The following KCNIP1 variants were observed in gnomAD, a reference collection of about 807,000 sequenced individuals.
KCNIP1 encodes the protein potassium voltage-gated channel interacting protein 1, also known as A-type potassium channel modulatory protein KCNIP1.
KCNIP1 carries 18 observed loss-of-function variants against 33.0 expected under a neutral mutation model. The observed-to-expected ratio is 0.55, with a 90% CI of 0.38 to 0.81. The LOEUF (loss-of-function observed/expected upper bound fraction) is 0.81, where lower values mean the gene tolerates loss of function less well. KCNIP1 is among the 30% of genes least tolerant of loss of function. KCNIP1 has a pLI of 0.00. For synonymous variants in KCNIP1, 93 were observed against 98.3 expected (o/e 0.95, Z 0.32); for missense variants, 238 against 271.6 (o/e 0.88, Z 0.87).
Position 170,704,178 on chromosome 5 carries a change from C to T in KCNIP1, c.62-14580C>T, listed in dbSNP as rs1471103823. ...GTCTGTGCACCAGTAGATTCTGGGG[C>T]TATTGCAGAGGACTCATGACAGGGA... On this transcript the variant is annotated intron_variant, in intron 1 of 7. Transcript: ENST00000328939. 7.3e-5 allele frequency among the ~76,000 whole-genome samples: 10 copies of T among 136,952 alleles called. 1 individual carries two copies. Among genetic ancestry groups the T allele is most frequent in the African/African-American group, 2.7e-4 (10 of 37,218 alleles). The allele number at this position is 136,952 out of a possible 152,430, so 89.8% of individuals were successfully genotyped here. A position where few individuals can be genotyped will look rare whatever the true frequency, so the allele number is the denominator to read the frequency against.
At chr5:170,642,702 T>C (rs1309032966) in intron 1 of KCNIP1, among the ~76,000 whole-genome samples, 2 of 152,212 alleles carry the variant, frequency 1.3e-5, no homozygotes, top group Non-Finnish European at 2.9e-5. Context: ...AAACTGCTTG[T>C]GTCTGCATCA....
At chr5:170,524,682 G>A (rs1054208923) in intron 1 of KCNIP1, among the ~76,000 whole-genome samples, 1 of 152,266 alleles carries the variant, frequency 6.6e-6, no homozygotes, top group South Asian at 2.1e-4. Flanking sequence ...GTGGAGGGGT[G>A]GTATGGGGCG....
At chr5:170,507,826 T>C (rs1754776096) in intron 1 of KCNIP1, among the ~76,000 whole-genome samples, 1 of 152,186 alleles carries the variant, frequency 6.6e-6, no homozygotes, top group African/African-American at 2.4e-5. Flanking sequence ...AATAAAAATA[T>C]TCAGGTTCAT....
chr5:170,534,267 G>A (rs1164141976), intron 1 of KCNIP1, among the ~76,000 whole-genome samples: 1 of 152,142 alleles, frequency 6.6e-6, no homozygotes, highest in African/African-American at 2.4e-5. Flanking sequence ...GCAGCTTCTA[G>A]TTTCAACTTA....
intron 1 of KCNIP1, among the ~76,000 whole-genome samples, chr5:170,454,162 A>G (rs1376517070): frequency 6.6e-6 from 1 of 152,360 alleles, no homozygotes; most frequent in East Asian, 1.9e-4. Context: ...AGAATAATTC[A>G]TGCTTTGCAA....
At chr5:170,390,517 A>AAAAATATATATATATATATATATATAT in intron 1 of KCNIP1, among the ~76,000 whole-genome samples, 5 of 74,536 alleles carry the variant, frequency 6.7e-5, no homozygotes, top group African/African-American at 1.3e-4. Flanking sequence ...AAAAAAAACA[A>AAAAATATATATATATATATATATATAT]ATATATATAT....
chr5:170,433,834 C>G (rs1189090863), intron 1 of KCNIP1, among the ~76,000 whole-genome samples: 1 of 152,166 alleles, frequency 6.6e-6, no homozygotes, highest in Non-Finnish European at 1.5e-5. Context: ...AGGCTCAGAA[C>G]AAGGCACCAA....
intron 1 of KCNIP1, among the ~76,000 whole-genome samples, chr5:170,707,633 A>C (rs1763303952): frequency 6.6e-6 from 1 of 152,086 alleles, no homozygotes; most frequent in South Asian, 2.1e-4. Flanking sequence ...TCCTCTCCCC[A>C]CCCACCTCAA....
At chr5:170,521,235 G>T (rs1036779220) in intron 1 of KCNIP1, among the ~76,000 whole-genome samples, 1 of 152,202 alleles carries the variant, frequency 6.6e-6, no homozygotes, top group African/African-American at 2.4e-5. Flanking sequence ...TTCTGAGCTA[G>T]AATGTGACCT....
At chr5:170,379,294 A>C (rs1427301806) in intron 1 of KCNIP1, among the ~76,000 whole-genome samples, 1 of 152,148 alleles carries the variant, frequency 6.6e-6, no homozygotes. Flanking sequence ...CTGAGCCCTG[A>C]AGCTTCATCA....
chr5:170,661,811 G>T (rs1761503806), intron 1 of KCNIP1, among the ~76,000 whole-genome samples: 1 of 152,230 alleles, frequency 6.6e-6, no homozygotes, highest in Non-Finnish European at 1.5e-5. Flanking sequence ...ATGCTGTGCT[G>T]AATGCCACAG....
intron 1 of KCNIP1, among the ~76,000 whole-genome samples, chr5:170,578,527 A>G (rs1757680555): frequency 6.6e-6 from 1 of 152,304 alleles, no homozygotes; most frequent in East Asian, 1.9e-4. Context: ...GGGACTCTCA[A>G]AAGAGAGAGG....
At chr5:170,673,622 G>A (rs1056825819) in intron 1 of KCNIP1, among the ~76,000 whole-genome samples, 1 of 152,194 alleles carries the variant, frequency 6.6e-6, no homozygotes, top group African/African-American at 2.4e-5. Flanking sequence ...ACAGTTGGGG[G>A]AAGATTTGAG....
chr5:170,589,170 T>C (rs1252376754), intron 1 of KCNIP1, among the ~76,000 whole-genome samples: 6 of 152,032 alleles, frequency 3.9e-5, no homozygotes, highest in Non-Finnish European at 7.4e-5. Context: ...GCTAACTTTT[T>C]TTGTATTTTT....
At chr5:170,733,307 C>A (rs1380967708) in intron 6 of KCNIP1, among the ~76,000 whole-genome samples, 3 of 152,188 alleles carry the variant, frequency 2.0e-5, no homozygotes, top group Non-Finnish European at 2.9e-5. Context: ...TGCTCTGGTA[C>A]AGGATGGGCA....
At chr5:170,680,485 A>G (rs190137428) in intron 1 of KCNIP1, 6 of 152,342 alleles carry the variant, frequency 3.9e-5, no homozygotes, top group Admixed American at 3.9e-4. Context: ...AAAGACAAAT[A>G]TAACTGAGAC....
At chr5:170,572,761 T>C (rs1447062817) in intron 1 of KCNIP1, among the ~76,000 whole-genome samples, 1 of 152,232 alleles carries the variant, frequency 6.6e-6, no homozygotes, top group Non-Finnish European at 1.5e-5. Flanking sequence ...TGCACATGTT[T>C]CTGTGCTATC....
chr5:170,511,770 A>G (rs78115829), intron 1 of KCNIP1, among the ~76,000 whole-genome samples: 2 of 152,250 alleles, frequency 1.3e-5, no homozygotes, highest in Non-Finnish European at 2.9e-5. Flanking sequence ...ACTAAGGGTC[A>G]TAGAGCTTGG....
intron 1 of KCNIP1, among the ~76,000 whole-genome samples, chr5:170,392,191 T>C (rs1754617367): frequency 1.3e-5 from 2 of 151,906 alleles, no homozygotes; most frequent in South Asian, 4.2e-4. Context: ...AGCTAGCAAA[T>C]CTCACCGGGC....
Sources: allele counts gnomAD v4.1 joint callset (sites outside exome capture counted in the v4.1 genomes callset), GRCh38; gene constraint gnomAD v4.1.1; transcripts MANE v1.5; gene names NCBI Gene and HGNC (gene_info 2026-07-23, HGNC 2026-07-21).